CEP192: variants seen among roughly 807,000 people sequenced by gnomAD.
The protein encoded by CEP192 is centrosomal protein of 192 kDa.
CEP192 carries 151 observed loss-of-function variants against 271.8 expected under a neutral mutation model. That is an observed-to-expected ratio of 0.56 (90% confidence interval 0.49 to 0.64). The LOEUF is 0.64. Ranked by LOEUF, CEP192 falls within the 30% of genes least tolerant of loss-of-function variation. The probability of loss-of-function intolerance (pLI) is 0.00; values close to 1 mark genes in which losing one functional copy is unlikely to be tolerated. For synonymous variants in CEP192, 995 were observed against 1,076.5 expected (o/e 0.92, Z 1.48); for missense variants, 2,910 against 3,020.5 (o/e 0.96, Z 0.86).
chr18:13,099,343 G>A (rs969200473), intron 36 of CEP192, 133 bp from the exon 37 acceptor site: 24 of 570,966 alleles, frequency 4.2e-5, no homozygotes, highest in Non-Finnish European at 6.4e-5. Flanking sequence ...CCGCATGGGA[G>A]TGAGCTCTGT....
At position 13,008,485 on chromosome 18, in the gene CEP192, A is replaced by C. The variant is rs758093863; in HGVS notation, c.320A>C (p.Glu107Ala). The change falls in exon 4 of 45, where the codon GAA (glutamate) becomes GCA (alanine). Residue 107 changes from glutamate (E) to alanine (A), a missense_variant. Transcript: ENST00000506447. ...ATCTCTAGGAAAAAGAGCTATGTGG[A>C]AAGTCAACGTTTGTCAAATGCTCTC... ...DSISRKKSYV[E>A]SQRLSNALSK... 50 of 1,550,392 alleles carry C rather than the reference A, an allele frequency of 3.2e-5. 1 individual carries two copies. In the South Asian group the frequency reaches 5.9e-4, roughly 18 times the overall value.
At chr18:13,076,789 A>G (rs1423294679) in intron 30 of CEP192, among the ~76,000 whole-genome samples, 6 of 151,972 alleles carry the variant, frequency 3.9e-5, no homozygotes, top group African/African-American at 1.4e-4. Flanking sequence ...CTGTTTATTT[A>G]TTTATTTATT....
chr18:12,997,640 G>A (rs533778789), intron 1 of CEP192, among the ~76,000 whole-genome samples: 1 of 152,202 alleles, frequency 6.6e-6, no homozygotes, highest in African/African-American at 2.4e-5. Flanking sequence ...TCTTTCTCAG[G>A]GGGAATTGGG....
In CEP192 at chr18:12,999,386, A is replaced by G. The variant is rs1402803203; in HGVS notation, c.-4-35A>G. ...AATCATTTAAAAACATTTTATAGTA[A>G]TATGTGACCTATAGAAATACTTTTG... On this transcript the variant is annotated intron_variant, in intron 1 of 44. Coordinates refer to ENST00000506447, the MANE Select transcript of CEP192 (RefSeq NM_032142.4). The G allele has an allele frequency of 3.6e-6, 5 of 1,382,332 alleles. No individual in the cohort carries two copies. In the South Asian group the frequency reaches 6.0e-5, roughly 17 times the overall value. The allele number at this position is 1,382,332 out of a possible 1,614,324, so 85.6% of individuals were successfully genotyped here.
At chr18:13,063,360 A>G (rs2037511122) in intron 21 of CEP192, among the ~76,000 whole-genome samples, 1 of 152,144 alleles carries the variant, frequency 6.6e-6, no homozygotes, top group Admixed American at 6.6e-5. Flanking sequence ...CCTTTTCTCC[A>G]CATCCTCACC....
chr18:13,052,792 TA>T, intron 17 of CEP192, 126 bp from the exon 18 acceptor site: 1 of 614,072 alleles, frequency 1.6e-6, no homozygotes, highest in Admixed American at 2.7e-5. Flanking sequence ...TTTAGATAAT[TA>T]AGTGTAAACA....
intron 40 of CEP192, among the ~76,000 whole-genome samples, chr18:13,112,343 CATT>C (rs1391475590): frequency 3.3e-5 from 5 of 152,124 alleles, no homozygotes; most frequent in African/African-American, 9.7e-5. Context: ...ACCTTGAAAA[CATT>C]ATGCTAAGTG....
Position 13,067,865 on chromosome 18 carries a change from GTGACT to G in CEP192, c.4530_4534del (p.Thr1511TrpfsTer21), listed in dbSNP as rs777933341. 1 of 1,612,166 alleles carries G rather than the reference GTGACT, an allele frequency of 6.2e-7. No homozygotes were observed. The highest frequency in any genetic ancestry group is 8.5e-7 in the Non-Finnish European group (1 of 1,178,498). On this transcript the variant is annotated frameshift_variant, in exon 22 of 45. Coordinates refer to ENST00000506447, the MANE Select transcript of CEP192 (RefSeq NM_032142.4). LOFTEE classifies it high-confidence loss of function. ...GAAAAGAAAGACGTTCTTGATTTTGGTGACTTGACTTATGGAGGCTGGAAAGCCCT... is the reference window on the plus strand; with the variant it reads ...GAAAAGAAAGACGTTCTTGATTTTGGTGACTTATGGAGGCTGGAAAGCCCT...
chr18:13,074,498 G>A (rs543141796), intron 30 of CEP192, among the ~76,000 whole-genome samples: 1 of 152,304 alleles, frequency 6.6e-6, no homozygotes, highest in Admixed American at 6.5e-5. Flanking sequence ...AGGTTTACTA[G>A]CCATGATTTT....
chr18:13,105,262 T>G (rs561123184), intron 40 of CEP192, among the ~76,000 whole-genome samples, 183 bp downstream of exon 40: 1 of 152,240 alleles, frequency 6.6e-6, no homozygotes, highest in Non-Finnish European at 1.5e-5. Context: ...TGTGAAAAAG[T>G]GGTCAGCTAA....
At chr18:13,014,041 C>T (rs2034508355) in intron 5 of CEP192, among the ~76,000 whole-genome samples, 1 of 152,198 alleles carries the variant, frequency 6.6e-6, no homozygotes, top group Non-Finnish European at 1.5e-5. Context: ...TGTGCTACAA[C>T]AGCAGAATTG....
intron 1 of CEP192, among the ~76,000 whole-genome samples, chr18:12,997,279 C>T (rs532824372): frequency 5.3e-5 from 8 of 152,062 alleles, no homozygotes; most frequent in African/African-American, 1.9e-4. Context: ...CCGGCCCAGT[C>T]GGATTAACAT....
At chr18:13,042,582 A>G (rs2036268899) in intron 15 of CEP192, among the ~76,000 whole-genome samples, 1 of 152,242 alleles carries the variant, frequency 6.6e-6, no homozygotes, top group African/African-American at 2.4e-5. Flanking sequence ...ACACTTGTGT[A>G]TACCTCAGAT....
Position 13,038,522 on chromosome 18 carries a change from C to G in CEP192, c.1752C>G (p.Phe584Leu), listed in dbSNP as rs936036399. Residue 584 changes from phenylalanine (F) to leucine (L), a missense_variant, in exon 13 of 45, where the codon TTC (phenylalanine) becomes TTG (leucine). Physicochemically the swap from Phe to Leu is conservative, Grantham distance 22 (BLOSUM62 0). Coordinates refer to ENST00000506447, the MANE Select transcript of CEP192 (RefSeq NM_032142.4). ...ATTTACGTCTGTCTTTAGGAGAGTTCTTTGCTCAAAGATCTGAAGCTCTTG... is the reference window on the plus strand; with the variant it reads ...ATTTACGTCTGTCTTTAGGAGAGTTGTTTGCTCAAAGATCTGAAGCTCTTG... Reference protein sequence around the residue: ...ASYLRLSLGEFFAQRSEALGC... With the variant: ...ASYLRLSLGELFAQRSEALGC... The G allele has an allele frequency of 1.3e-6, 2 of 1,551,482 alleles. No individual in the cohort carries two copies. The highest frequency in any genetic ancestry group is 2.7e-5 in the African/African-American group (2 of 73,014).
chr18:13,001,366 TG>T, intron 2 of CEP192, 90 bp from the exon 3 acceptor site: 1 of 809,546 alleles, frequency 1.2e-6, no homozygotes, highest in Non-Finnish European at 1.9e-6. Flanking sequence ...CCCCGGTGGT[TG>T]GTTTTACTGT....
chr18:13,067,272 G>A (rs1275955020), intron 21 of CEP192, among the ~76,000 whole-genome samples: 2 of 152,024 alleles, frequency 1.3e-5, no homozygotes, highest in Admixed American at 1.3e-4. Flanking sequence ...TTTCCTATCG[G>A]GGACATCCAC....
At chr18:12,997,202 A>C (rs1389433184) in intron 1 of CEP192, among the ~76,000 whole-genome samples, 1 of 152,086 alleles carries the variant, frequency 6.6e-6, no homozygotes, top group Non-Finnish European at 1.5e-5. Context: ...TGGACACTTC[A>C]TAAACTGTTG....
chr18:13,085,620 C>G (rs1568394061), intron 30 of CEP192, among the ~76,000 whole-genome samples: 1 of 152,146 alleles, frequency 6.6e-6, no homozygotes, highest in Non-Finnish European at 1.5e-5. Context: ...TATGGCTAGC[C>G]AGTTTTCCTA....
chr18:13,116,643 G>A (rs1278704674), intron 43 of CEP192, 140 bp downstream of exon 43: 8 of 756,446 alleles, frequency 1.1e-5, no homozygotes, highest in African/African-American at 5.6e-5. Context: ...ATGGAGTCTC[G>A]CTGTCGCCCA....
Sources: gnomAD v4.1 joint callset for allele counts (sites outside exome capture counted in the v4.1 genomes callset) on GRCh38, gnomAD v4.1.1 for gene constraint, MANE v1.5 for transcripts, NCBI Gene and HGNC (gene_info 2026-07-23, HGNC 2026-07-21) for gene names.